Variants in CCDC192 observed in about 807,000 individuals in gnomAD.
CCDC192 encodes coiled-coil domain-containing protein 192.
intron 6 of CCDC192, among the ~76,000 whole-genome samples, chr5:127,936,619 G>A (rs1253217230): frequency 1.3e-5 from 2 of 152,184 alleles, no homozygotes; most frequent in Non-Finnish European, 2.9e-5. Flanking sequence ...ATGTATGACT[G>A]TAAAAACCCC....
At chr5:127,756,562 G>A (rs764840228) in intron 3 of CCDC192, among the ~76,000 whole-genome samples, 4 of 152,222 alleles carry the variant, frequency 2.6e-5, no homozygotes, top group Non-Finnish European at 5.9e-5. Flanking sequence ...TGCAGGATCT[G>A]CAAAATATCT....
chr5:127,784,758 G>A, intron 3 of CCDC192: 2 of 508,264 alleles, frequency 3.9e-6, no homozygotes, highest in Non-Finnish European at 7.8e-6. Context: ...TCAACTAACT[G>A]CTGGTGTTTC....
At chr5:127,872,216 T>A (rs1293175615) in intron 5 of CCDC192, among the ~76,000 whole-genome samples, 1 of 152,180 alleles carries the variant, frequency 6.6e-6, no homozygotes, top group African/African-American at 2.4e-5. Flanking sequence ...AATCAAAAGG[T>A]CTCAACAGAA....
intron 3 of CCDC192, among the ~76,000 whole-genome samples, chr5:127,777,897 CTTTT>C (rs34221635): frequency 2.1e-5 from 3 of 144,598 alleles, no homozygotes; most frequent in African/African-American, 7.6e-5. Flanking sequence ...ATGAAACCTC[CTTTT>C]TTTTTTTTTA....
intron 5 of CCDC192, among the ~76,000 whole-genome samples, chr5:127,830,277 T>C (rs760494423): frequency 5.9e-5 from 9 of 152,178 alleles, no homozygotes; most frequent in Non-Finnish European, 1.3e-4. Context: ...AGATCAGTGG[T>C]TTCCATTTAT....
intron 3 of CCDC192, among the ~76,000 whole-genome samples, chr5:127,780,314 C>T (rs181256650): frequency 8.6e-4 from 131 of 152,220 alleles, no homozygotes; most frequent in African/African-American, 2.7e-3. Flanking sequence ...TTATTTTCCT[C>T]TGGGTAAATA....
At position 127,872,872 on chromosome 5, in the gene CCDC192, A is replaced by G. The variant is rs375012439; in HGVS notation, c.412-2666A>G. Reference sequence around the variant, plus strand: ...ACTAAATAGTCTCAATTTCTTTCTCAGATTATAAGGTAAATATACAAATAT... The same window carrying G: ...ACTAAATAGTCTCAATTTCTTTCTCGGATTATAAGGTAAATATACAAATAT... On this transcript the variant is annotated intron_variant, in intron 5 of 6. Transcript: ENST00000514853. Among the ~76,000 whole-genome samples, 189 of 152,320 alleles carry G rather than the reference A, an allele frequency of 1.2e-3. 2 individuals are homozygous for G. The highest frequency in any genetic ancestry group is 4.3e-3 in the African/African-American group (180 of 41,566).
chr5:127,795,289 C>CAAAAAAAAAAA (rs762627670), intron 3 of CCDC192, among the ~76,000 whole-genome samples: 1 of 76,610 alleles, frequency 1.3e-5, no homozygotes, highest in Non-Finnish European at 2.6e-5. Context: ...GACTCTATCT[C>CAAAAAAAAAAA]AAAAAAAAAA....
chr5:127,793,927 G>A (rs1169338939), intron 3 of CCDC192, among the ~76,000 whole-genome samples: 1 of 152,174 alleles, frequency 6.6e-6, no homozygotes, highest in Non-Finnish European at 1.5e-5. Flanking sequence ...AAGTTGTAAG[G>A]TAGGGTTTGC....
chr5:127,808,833 C>T (rs1037049009), intron 5 of CCDC192, among the ~76,000 whole-genome samples: 6 of 152,132 alleles, frequency 3.9e-5, no homozygotes, highest in African/African-American at 9.7e-5. Context: ...CAGTTCTTGA[C>T]ACACAGGAGG....
chr5:127,770,146 A>G (rs1755466763), intron 3 of CCDC192, among the ~76,000 whole-genome samples: 1 of 152,192 alleles, frequency 6.6e-6, no homozygotes, highest in South Asian at 2.1e-4. Context: ...GTGCAGTGGC[A>G]TGATCATAGC....
At chr5:127,769,798 T>A (rs73345036) in intron 3 of CCDC192, among the ~76,000 whole-genome samples, 8,074 of 152,258 alleles carry the variant, frequency 0.053, 583 homozygotes, top group African/African-American at 0.16. Flanking sequence ...CCTTGACAAG[T>A]TCCATTTCAA....
At chr5:127,813,102 G>T (rs1758171387) in intron 5 of CCDC192, among the ~76,000 whole-genome samples, 1 of 152,178 alleles carries the variant, frequency 6.6e-6, no homozygotes, top group Non-Finnish European at 1.5e-5. Flanking sequence ...CTTTAGAGTG[G>T]GAGCCCGTGC....
At chr5:127,882,184 A>C (rs1017716408) in intron 6 of CCDC192, among the ~76,000 whole-genome samples, 10 of 152,344 alleles carry the variant, frequency 6.6e-5, no homozygotes, top group Admixed American at 4.6e-4. Context: ...GAAGCCTGTA[A>C]TGGGATTGAC....
chr5:127,923,567 C>CG (rs1352753119), intron 6 of CCDC192, among the ~76,000 whole-genome samples: 1 of 152,020 alleles, frequency 6.6e-6, no homozygotes, highest in Non-Finnish European at 1.5e-5. Context: ...TTAGTAGAGA[C>CG]GGGGTTTCAC....
At chr5:127,734,617 T>A (rs1054896836) in intron 2 of CCDC192, among the ~76,000 whole-genome samples, 2 of 141,088 alleles carry the variant, frequency 1.4e-5, no homozygotes, top group Admixed American at 1.4e-4. Flanking sequence ...ATGATAGCCA[T>A]TCTAACTGGT....
chr5:127,717,213 A>G (rs1466800159), intron 2 of CCDC192, among the ~76,000 whole-genome samples: 2 of 152,310 alleles, frequency 1.3e-5, no homozygotes, highest in Non-Finnish European at 1.5e-5. Flanking sequence ...CAATGTTCAT[A>G]TATTCAATTT....
chr5:127,710,958 G>A lies in CCDC192; in HGVS notation c.114+3198G>A, dbSNP rs371652497. On this transcript the variant is annotated intron_variant, in intron 2 of 6. Coordinates refer to ENST00000514853, the MANE Select transcript of CCDC192 (RefSeq NM_001317938.2). ...ATTCTTTGGGCCTGCTGGAGAATTA[G>A]AATGTTATTTAAACTATTGCTTTTG... Among the ~76,000 whole-genome samples the A allele has an allele frequency of 5.3e-5, 8 of 152,148 alleles. No homozygotes were observed. In the East Asian group the frequency reaches 9.6e-4, roughly 18 times the overall value.
intron 5 of CCDC192, among the ~76,000 whole-genome samples, chr5:127,870,313 C>T (rs1580776471): frequency 1.3e-5 from 2 of 152,250 alleles, no homozygotes; most frequent in African/African-American, 4.8e-5. Context: ...CAATAAATGC[C>T]ATCACACTTC....
Sources: allele counts gnomAD v4.1 joint callset (sites outside exome capture counted in the v4.1 genomes callset), GRCh38; gene constraint gnomAD v4.1.1; transcripts MANE v1.5; gene names NCBI Gene and HGNC (gene_info 2026-07-23, HGNC 2026-07-21).